Variants in NALCN observed in about 807,000 individuals in gnomAD.
The protein encoded by NALCN is sodium leak channel, non-selective, also known as sodium leak channel NALCN.
A neutral mutation model predicts 225.3 loss-of-function variants in NALCN; 111 were observed. The ratio of observed to expected loss-of-function variants is 0.49; its 90% CI spans 0.42 to 0.58. The LOEUF (loss-of-function observed/expected upper bound fraction) is 0.58, where lower values mean the gene tolerates loss of function less well. Among genes scored for constraint, NALCN ranks in the 20% least tolerant of loss-of-function variants. The pLI, the probability that NALCN is intolerant of heterozygous loss-of-function variation, is 0.00. For synonymous variants in NALCN, 764 were observed against 769.0 expected (o/e 0.99, Z 0.11); for missense variants, 1,378 against 2,202.4 (o/e 0.63, Z 7.49).
In NALCN at chr13:101,332,434, A is replaced by C. The variant is rs186840548; in HGVS notation, c.799+12832T>G. ...AAAAAAAAAAAAGGAAAGCCTTAAA[A>C]TTCGACTCACGGTAGGCTTGTTATT... On this transcript the variant is annotated intron_variant, in intron 7 of 43. Coordinates refer to ENST00000251127, the MANE Select transcript of NALCN (RefSeq NM_052867.4). 5.8e-4 allele frequency among the ~76,000 whole-genome samples: 88 copies of C among 150,926 alleles called. 1 individual carries two copies. The highest frequency in any genetic ancestry group is 3.8e-4 in the Non-Finnish European group (26 of 67,584).
intron 4 of NALCN, among the ~76,000 whole-genome samples, chr13:101,377,370 A>C (rs2046723969): frequency 6.6e-6 from 1 of 152,212 alleles, no homozygotes; most frequent in Non-Finnish European, 1.5e-5. Flanking sequence ...CTTGTTAATA[A>C]CGTTCTTTAG....
chr13:101,280,882 C>CT (rs11336005), intron 10 of NALCN, among the ~76,000 whole-genome samples: 10 of 108,448 alleles, frequency 9.2e-5, no homozygotes, highest in South Asian at 8.7e-4. Context: ...CTCTCTCTCT[C>CT]TTTTTTTTTT....
At chr13:101,062,935 C>G (rs893489010) in intron 40 of NALCN, among the ~76,000 whole-genome samples, 1 of 152,206 alleles carries the variant, frequency 6.6e-6, no homozygotes, top group African/African-American at 2.4e-5. Flanking sequence ...ACCAAACAAA[C>G]CCAGGGTTGA....
At chr13:101,227,933 C>T (rs191656988) in intron 13 of NALCN, among the ~76,000 whole-genome samples, 183 of 152,324 alleles carry the variant, frequency 1.2e-3, no homozygotes, top group African/African-American at 4.2e-3. Context: ...CCTTTGGCTA[C>T]ATCCAGCCAT....
In NALCN at chr13:101,144,864, T is replaced by G. The variant is rs2139796216; in HGVS notation, c.1872A>C (p.Lys624Asn). 6.2e-7 allele frequency: 1 copy of G among 1,612,396 alleles called. No individual in the cohort carries two copies. Among genetic ancestry groups the G allele is most frequent in the South Asian group, 1.1e-5 (1 of 90,484 alleles). Residue 624 changes from lysine to asparagine, a missense_variant, in exon 16 of 44, where the codon AAA (lysine) becomes AAC (asparagine). By Grantham distance (94) the Lys-to-Asn change is moderately conservative. Transcript: ENST00000251127. ...TTCGCAGGCGTAAAGGGAGCTTTTC[T>G]TTGGTGTCCGCATTTGCTTCACTTT... ...LKQSEANADT[K>N]EKLPLRLRIF...
intron 13 of NALCN, among the ~76,000 whole-genome samples, chr13:101,212,649 AGTGGTGTG>A (rs2040569066): frequency 6.6e-6 from 1 of 152,188 alleles, no homozygotes; most frequent in Non-Finnish European, 1.5e-5. Flanking sequence ...GATGATTTTC[AGTGGTGTG>A]GCAGACTGAG....
intron 14 of NALCN, among the ~76,000 whole-genome samples, chr13:101,181,912 TC>T (rs1462273850): frequency 1.3e-5 from 2 of 152,050 alleles, no homozygotes; most frequent in Non-Finnish European, 2.9e-5. Flanking sequence ...GGCCGGCAGA[TC>T]ACGAGGTCAG....
At chr13:101,133,059 A>C (rs1023104385) in intron 17 of NALCN, among the ~76,000 whole-genome samples, 1 of 152,150 alleles carries the variant, frequency 6.6e-6, no homozygotes, top group African/African-American at 2.4e-5. Context: ...AAAATCTGGG[A>C]TCCATCAAAA....
At chr13:101,304,747 T>A (rs2044095424) in intron 7 of NALCN, among the ~76,000 whole-genome samples, 1 of 141,750 alleles carries the variant, frequency 7.1e-6, no homozygotes, top group Admixed American at 7.4e-5. Flanking sequence ...CTGGAATAAT[T>A]TTTTTCTTTT....
At chr13:101,160,997 A>T (rs1350668679) in intron 15 of NALCN, among the ~76,000 whole-genome samples, 1 of 152,226 alleles carries the variant, frequency 6.6e-6, no homozygotes, top group East Asian at 1.9e-4. Context: ...ACCAGCAGTT[A>T]TTAAATGTTG....
At chr13:101,299,032 T>A (rs1265207743) in intron 7 of NALCN, among the ~76,000 whole-genome samples, 52 of 152,246 alleles carry the variant, frequency 3.4e-4, no homozygotes, top group Admixed American at 3.4e-3. Flanking sequence ...AAATGACATT[T>A]CATTCTTCTT....
intron 11 of NALCN, among the ~76,000 whole-genome samples, chr13:101,245,987 T>C (rs997818988): frequency 2.6e-5 from 4 of 152,166 alleles, no homozygotes; most frequent in East Asian, 1.9e-4. Context: ...TAGGGGGTAT[T>C]TGGACCTGAG....
chr13:101,124,486 C>G, intron 18 of NALCN, 122 bp downstream of exon 18: 1 of 834,706 alleles, frequency 1.2e-6, no homozygotes, highest in South Asian at 1.8e-5. Flanking sequence ...ATACTCAAAG[C>G]TACTTTCTGG....
chr13:101,071,700 T>C (rs1336793083), intron 37 of NALCN, among the ~76,000 whole-genome samples: 1 of 152,202 alleles, frequency 6.6e-6, no homozygotes, highest in Non-Finnish European at 1.5e-5. Context: ...TTCTTATCAG[T>C]CATGTGTTCA....
intron 13 of NALCN, among the ~76,000 whole-genome samples, chr13:101,195,020 TAAAA>T (rs902129580): frequency 6.6e-6 from 1 of 151,562 alleles, no homozygotes; most frequent in Non-Finnish European, 1.5e-5. Flanking sequence ...AAAAAGAAAA[TAAAA>T]AGAAAGGGAA....
intron 13 of NALCN, among the ~76,000 whole-genome samples, chr13:101,206,745 T>TATAC (rs977134676): frequency 6.1e-5 from 9 of 147,610 alleles, no homozygotes; most frequent in African/African-American, 2.3e-4. Context: ...TATATATATA[T>TATAC]ACACATATAA....
intron 12 of NALCN, among the ~76,000 whole-genome samples, chr13:101,235,797 G>T (rs1215935108): frequency 6.6e-6 from 1 of 152,110 alleles, no homozygotes; most frequent in Non-Finnish European, 1.5e-5. Flanking sequence ...AGGGGGTTTT[G>T]CTTTTTACTT....
At chr13:101,078,738 A>G (rs2033429163) in intron 34 of NALCN, among the ~76,000 whole-genome samples, 1 of 152,086 alleles carries the variant, frequency 6.6e-6, no homozygotes, top group Admixed American at 6.5e-5. Context: ...ATGAATTAAG[A>G]CTTTCGGGGA....
In NALCN at chr13:101,143,117, C is replaced by G; in HGVS notation, c.2081G>C (p.Arg694Pro). The G allele has an allele frequency of 6.2e-7, 1 of 1,614,082 alleles. No homozygotes were observed. The highest frequency in any genetic ancestry group is 2.2e-5 in the East Asian group (1 of 44,878). ...GTATTTGTTGTCCTCAATTGCTGAG[C>G]GTTTGGAGTGGTCGCAGGAGGAGGA... is the stretch of plus-strand genomic sequence containing the variant. ...TSSSSCDHSK[R>P]SAIEDNKYID... Residue 694 changes from arginine (R) to proline (P), a missense_variant, in exon 17 of 44, where the codon CGC (arginine) becomes CCC (proline). Arg to Pro is a moderately radical substitution (Grantham distance 103). Around this residue, in one of 19 missense-constraint regions of NALCN, gnomAD observed 100 missense variants for 89.4 expected, o/e 1.12. Coordinates refer to ENST00000251127, the MANE Select transcript of NALCN (RefSeq NM_052867.4).
Sources: gnomAD v4.1 joint callset for allele counts (sites outside exome capture counted in the v4.1 genomes callset) on GRCh38, gnomAD v4.1.1 for gene constraint, gnomAD v4.1.1 regional missense constraint, MANE v1.5 for transcripts, NCBI Gene and HGNC (gene_info 2026-07-23, HGNC 2026-07-21) for gene names.